The following PSD3 variants were observed in gnomAD, a reference collection of about 807,000 sequenced individuals.
PSD3 encodes PH and SEC7 domain-containing protein 3.
A neutral mutation model predicts 105.5 loss-of-function variants in PSD3; 49 were observed. The observed-to-expected ratio is 0.46, with a 90% CI of 0.37 to 0.59. PSD3 has a LOEUF of 0.59. Ranked by LOEUF, PSD3 falls within the 20% of genes least tolerant of loss-of-function variation. The probability of loss-of-function intolerance (pLI) is 0.00; values close to 1 mark genes in which losing one functional copy is unlikely to be tolerated. For missense variants in PSD3, 1,561 were observed against 1,263.8 expected, an observed-to-expected ratio of 1.24 and a Z score of -3.57; for synonymous variants, 557 against 457.8, an observed-to-expected ratio of 1.22 and a Z score of -2.77.
intron 11 of PSD3, among the ~76,000 whole-genome samples, chr8:18,621,415 A>T (rs1162728984): frequency 6.6e-6 from 1 of 152,200 alleles, no homozygotes; most frequent in Admixed American, 6.5e-5. Flanking sequence ...CTCAGAAAAA[A>T]GACTATTGCT....
At chr8:18,938,518 G>T (rs1822305224) in intron 1 of PSD3, among the ~76,000 whole-genome samples, 2 of 151,872 alleles carry the variant, frequency 1.3e-5, no homozygotes, top group South Asian at 4.1e-4. Context: ...AGCTACTCAG[G>T]AAGCTAAGGC....
At chr8:19,037,684 C>T (rs1165657716) in intron 1 of PSD3, among the ~76,000 whole-genome samples, 1 of 152,150 alleles carries the variant, frequency 6.6e-6, no homozygotes, top group African/African-American at 2.4e-5. Flanking sequence ...GGCACATCCT[C>T]TTCTGCTGCA....
At chr8:18,927,726 G>T (rs916588249) in intron 2 of PSD3, among the ~76,000 whole-genome samples, 25 of 152,128 alleles carry the variant, frequency 1.6e-4, no homozygotes, top group African/African-American at 6.0e-4. Context: ...TCCTTCTGGT[G>T]CCCAGCCCCG....
At chr8:18,934,013 T>C (rs1264175342) in intron 2 of PSD3, among the ~76,000 whole-genome samples, 1 of 152,204 alleles carries the variant, frequency 6.6e-6, no homozygotes, top group African/African-American at 2.4e-5. Context: ...ATTTAGCTGT[T>C]TTTTTTACTG....
At chr8:18,809,448 A>G (rs1430615777) in intron 4 of PSD3, among the ~76,000 whole-genome samples, 1 of 152,138 alleles carries the variant, frequency 6.6e-6, no homozygotes, top group Non-Finnish European at 1.5e-5. Flanking sequence ...CCTTCTCACA[A>G]CCTTTTGAAT....
In PSD3 at chr8:18,714,888, C is replaced by A. The variant is rs562810057; in HGVS notation, c.2172+50561G>T. Among the ~76,000 whole-genome samples the A allele has an allele frequency of 3.9e-5, 6 of 152,268 alleles. No homozygotes were observed. In the East Asian group the frequency reaches 1.2e-3, roughly 29 times the overall value. ...AAGACATGGAATCAACCCAAATGTC[C>A]ATCAGTGATAGACTGCATACAGAAA... On this transcript the variant is annotated intron_variant, in intron 9 of 15. Transcript: ENST00000327040.
Position 18,917,900 on chromosome 8 carries a change from C to G in PSD3, c.130+18134G>C, listed in dbSNP as rs538762018. Among the ~76,000 whole-genome samples the G allele has an allele frequency of 2.0e-5, 3 of 152,174 alleles. No individual in the cohort carries two copies. The East Asian group carries it at 5.8e-4, about 29-fold the overall frequency. On this transcript the variant is annotated intron_variant, in intron 2 of 15. Coordinates refer to ENST00000327040, the MANE Select transcript of PSD3 (RefSeq NM_015310.4). ...GAGAACTTTTATTTTGTCTAAGCCA[C>G]CGGTGTGTGGGTGTGGGCAGGTGGG...
At chr8:18,587,667 G>A (rs1563351052) in intron 12 of PSD3, among the ~76,000 whole-genome samples, 1 of 152,042 alleles carries the variant, frequency 6.6e-6, no homozygotes. Context: ...TATGCTTAGG[G>A]GGCCTTCTTC....
At chr8:18,808,643 C>G in intron 4 of PSD3, 2 of 1,379,046 alleles carry the variant, frequency 1.5e-6, no homozygotes, top group Non-Finnish European at 2.0e-6. Flanking sequence ...AAATATGTCC[C>G]TAGATGGCTT....
intron 4 of PSD3, chr8:18,808,786 T>C (rs1811425008): frequency 1.2e-6 from 2 of 1,614,028 alleles, no homozygotes; most frequent in East Asian, 4.5e-5. Flanking sequence ...GAAGAGCCCA[T>C]CGCAACCCCT....
chr8:19,028,043 T>C (rs1827621618), intron 1 of PSD3, among the ~76,000 whole-genome samples: 2 of 152,216 alleles, frequency 1.3e-5, no homozygotes, highest in Admixed American at 1.3e-4. Flanking sequence ...CTATTAACAC[T>C]GTGTTGCATT....
intron 4 of PSD3, among the ~76,000 whole-genome samples, chr8:18,845,728 G>A (rs1425589266): frequency 6.6e-6 from 1 of 152,136 alleles, no homozygotes; most frequent in African/African-American, 2.4e-5. Flanking sequence ...TTTGAGGCCG[G>A]TCGTTGGAGA....
chr8:18,619,414 G>A (rs1377715807), intron 11 of PSD3, among the ~76,000 whole-genome samples: 2 of 152,122 alleles, frequency 1.3e-5, no homozygotes, highest in African/African-American at 2.4e-5. Flanking sequence ...GGAGGCCGAG[G>A]CAAGTGCATC....
intron 9 of PSD3, chr8:18,684,060 T>A: frequency 1.6e-6 from 1 of 622,716 alleles, no homozygotes; most frequent in Non-Finnish European, 2.9e-6. Context: ...GTGATCCGCG[T>A]TAGCTTAAGA....
intron 12 of PSD3, among the ~76,000 whole-genome samples, chr8:18,599,266 G>T (rs746561307): frequency 2.7e-5 from 4 of 149,694 alleles, no homozygotes; most frequent in Non-Finnish European, 4.4e-5. Context: ...ACACATATAT[G>T]GGGGGAAGCT....
intron 15 of PSD3, among the ~76,000 whole-genome samples, chr8:18,537,358 C>T (rs911969081): frequency 6.6e-6 from 1 of 152,166 alleles, no homozygotes; most frequent in East Asian, 1.9e-4. Flanking sequence ...ACCCACGGCT[C>T]TTAAGCTATA....
At chr8:18,686,811 G>A (rs1023298381) in intron 9 of PSD3, among the ~76,000 whole-genome samples, 1 of 152,128 alleles carries the variant, frequency 6.6e-6, no homozygotes, top group African/African-American at 2.4e-5. Context: ...AAGCTTTCCC[G>A]AATGACCCTC....
chr8:18,542,532 C>A (rs1800210101), intron 15 of PSD3, among the ~76,000 whole-genome samples: 1 of 152,148 alleles, frequency 6.6e-6, no homozygotes, highest in African/African-American at 2.4e-5. Context: ...GAATCTGAAA[C>A]AGCAACAATA....
chr8:18,549,346 T>C (rs1385472053), intron 15 of PSD3, among the ~76,000 whole-genome samples: 2 of 152,066 alleles, frequency 1.3e-5, no homozygotes, highest in African/African-American at 2.4e-5. Flanking sequence ...AACACCTGGC[T>C]AATTTTGTAT....
Sources: gnomAD v4.1 joint callset for allele counts (sites outside exome capture counted in the v4.1 genomes callset) on GRCh38, gnomAD v4.1.1 for gene constraint, MANE v1.5 for transcripts, NCBI Gene and HGNC (gene_info 2026-07-23, HGNC 2026-07-21) for gene names.